Variants in OCLN observed in about 807,000 individuals in gnomAD.
The protein encoded by OCLN is phosphatase 1, regulatory subunit 115.
OCLN carries 21 observed loss-of-function variants against 47.9 expected under a neutral mutation model. That is an observed-to-expected ratio of 0.44 (90% confidence interval 0.31 to 0.63). The LOEUF is 0.63. Ranked by LOEUF, OCLN falls within the 30% of genes least tolerant of loss-of-function variation. OCLN has a pLI of 0.08. For synonymous variants in OCLN, 117 were observed against 198.4 expected (o/e 0.59, Z 3.45); for missense variants, 360 against 571.0 (o/e 0.63, Z 3.77).
At chr5:69,516,789 G>T (rs1050719386) in intron 4 of OCLN, among the ~76,000 whole-genome samples, 11 of 152,084 alleles carry the variant, frequency 7.2e-5, no homozygotes, top group African/African-American at 2.7e-4. Context: ...AGGTGTGGTG[G>T]CTCACACTTG....
chr5:69,518,098 G>A (rs1420727244), intron 4 of OCLN, among the ~76,000 whole-genome samples: 1 of 152,146 alleles, frequency 6.6e-6, no homozygotes, highest in African/African-American at 2.4e-5. Context: ...ATCAGTTCTA[G>A]TTGCTTTTGA....
At chr5:69,517,920 G>A (rs376114197) in intron 4 of OCLN, among the ~76,000 whole-genome samples, 22 of 152,088 alleles carry the variant, frequency 1.4e-4, no homozygotes, top group Non-Finnish European at 2.8e-4. Flanking sequence ...TAAATGTTTC[G>A]CTGAGAGTTT....
At chr5:69,513,246 A>G (rs1768834934) in intron 3 of OCLN, among the ~76,000 whole-genome samples, 1 of 152,166 alleles carries the variant, frequency 6.6e-6, no homozygotes, top group African/African-American at 2.4e-5. Flanking sequence ...AGGCCAATAT[A>G]CCATTTAATA....
intron 4 of OCLN, among the ~76,000 whole-genome samples, chr5:69,527,974 A>G (rs2112040888): frequency 6.6e-6 from 1 of 152,126 alleles, no homozygotes; most frequent in South Asian, 2.1e-4. Flanking sequence ...GGTAGGGGCA[A>G]TTTGTTTTCT....
At chr5:69,512,890 T>A (rs532948636) in intron 3 of OCLN, among the ~76,000 whole-genome samples, 3 of 152,220 alleles carry the variant, frequency 2.0e-5, no homozygotes, top group Non-Finnish European at 4.4e-5. Flanking sequence ...TCCCTTGTTT[T>A]TCCTTTTTTC....
At position 69,509,109 on chromosome 5, in the gene OCLN, C is replaced by G. The variant is rs1418677318; in HGVS notation, c.51-32C>G. On this transcript the variant is annotated intron_variant, in intron 2 of 8. Transcript: ENST00000396442. ...TCTTTCTGCTTACTACCAAAAAATG[C>G]TAACTTGAAATTATTTTCATGTTCA... The G allele has an allele frequency of 3.1e-6, 5 of 1,589,056 alleles. No individual in the cohort carries two copies. The East Asian group carries it at 6.7e-5, about 21-fold the overall frequency.
At chr5:69,513,221 C>T (rs534836955) in intron 3 of OCLN, among the ~76,000 whole-genome samples, 41 of 152,340 alleles carry the variant, frequency 2.7e-4, no homozygotes, top group Non-Finnish European at 1.0e-4. Context: ...TTTCCCTCAA[C>T]TTCAAGTGCC....
intron 3 of OCLN, among the ~76,000 whole-genome samples, chr5:69,513,117 CTACT>C (rs889179609): frequency 6.6e-6 from 1 of 152,196 alleles, no homozygotes; most frequent in Non-Finnish European, 1.5e-5. Flanking sequence ...AGTTCTCTTA[CTACT>C]TACTCTTTGA....
rs1026003459 is a variant in OCLN at position 69,554,606 on chromosome 5, A to G, written c.*935A>G. The G allele has an allele frequency of 6.6e-6, 1 of 152,064 alleles. No homozygotes were observed. Among genetic ancestry groups the G allele is most frequent in the Non-Finnish European group, 1.5e-5 (1 of 68,028 alleles). 9.4% of individuals were successfully genotyped at this position (152,064 alleles called of 1,614,324 possible). A position where few individuals can be genotyped will look rare whatever the true frequency, so the allele number is the denominator to read the frequency against. ...GATGTTATTAGTGCTGTTAACATAC[A>G]GCAATGGAAAACCACACTCAGGAGT... On this transcript the variant is annotated 3_prime_UTR_variant, in exon 9 of 9. Coordinates refer to ENST00000396442, the MANE Select transcript of OCLN (RefSeq NM_001205254.2).
chr5:69,493,140 A>T lies in OCLN; in HGVS notation c.-69+240A>T, dbSNP rs1206354180. Among the ~76,000 whole-genome samples, 1 of 152,150 alleles carries T rather than the reference A, an allele frequency of 6.6e-6. No individual in the cohort carries two copies. The highest frequency in any genetic ancestry group is 2.4e-5 in the African/African-American group (1 of 41,436). Reference sequence around the variant, plus strand: ...GAGGGGTGGCTTGGAGCCGCCGATCAAGCTTTATTCCGCGGAAACGCTGAA... The same window carrying T: ...GAGGGGTGGCTTGGAGCCGCCGATCTAGCTTTATTCCGCGGAAACGCTGAA... On this transcript the variant is annotated intron_variant, in intron 1 of 8. Coordinates refer to ENST00000396442, the MANE Select transcript of OCLN (RefSeq NM_001205254.2). The surrounding 1 kb of genome is among the most constrained non-coding windows in gnomAD (Gnocchi z 5.3).
intron 1 of OCLN, among the ~76,000 whole-genome samples, chr5:69,497,238 A>AT (rs35549704): frequency 2.0e-5 from 3 of 150,634 alleles, no homozygotes; most frequent in African/African-American, 2.4e-5. Flanking sequence ...GGTTTTTGGA[A>AT]TTTTTTTTTT....
In OCLN at chr5:69,553,851, G is replaced by A. The variant is rs1228786118; in HGVS notation, c.*180G>A. The A allele has an allele frequency of 7.6e-6, 5 of 659,744 alleles. No homozygotes were observed. Among genetic ancestry groups the A allele is most frequent in the African/African-American group, 5.5e-5 (3 of 54,404 alleles). 40.9% of individuals were successfully genotyped at this position (659,744 alleles called of 1,614,324 possible). ...TATAAATCGCTTTTGATAATCAACT[G>A]GGCTGAACACTCCAATTAAGGATTT... On this transcript the variant is annotated 3_prime_UTR_variant, in exon 9 of 9. Transcript: ENST00000396442.
intron 1 of OCLN, among the ~76,000 whole-genome samples, chr5:69,498,493 T>C (rs1768365691): frequency 6.7e-6 from 1 of 149,018 alleles, no homozygotes; most frequent in South Asian, 2.1e-4. Flanking sequence ...GACTCCTGTC[T>C]CAAAAAAAAA....
chr5:69,535,976 C>T (rs1238640731), intron 5 of OCLN, among the ~76,000 whole-genome samples: 4 of 152,122 alleles, frequency 2.6e-5, no homozygotes, highest in Non-Finnish European at 4.4e-5. Flanking sequence ...AATAGCCAGG[C>T]GTGGTGGCGC....
In OCLN at chr5:69,493,486, T is replaced by C. The variant is rs1768201381; in HGVS notation, c.-69+586T>C. On this transcript the variant is annotated intron_variant, in intron 1 of 8. Transcript: ENST00000396442. The surrounding 1 kb of genome is among the most constrained non-coding windows in gnomAD (Gnocchi z 5.3). Reference sequence around the variant, plus strand: ...GAGTCACGGTGTGGGCCACACTGGCTACTTCGAATCCACTTGTTGCGAGTT... The same window carrying C: ...GAGTCACGGTGTGGGCCACACTGGCCACTTCGAATCCACTTGTTGCGAGTT... Among the ~76,000 whole-genome samples, 1 of 152,160 alleles carries C rather than the reference T, an allele frequency of 6.6e-6. No individual in the cohort carries two copies. The highest frequency in any genetic ancestry group is 2.4e-5 in the African/African-American group (1 of 41,438).
chr5:69,498,271 A>G (rs970164385), intron 1 of OCLN, among the ~76,000 whole-genome samples: 3 of 152,212 alleles, frequency 2.0e-5, no homozygotes, highest in African/African-American at 7.2e-5. Context: ...AGGTGGGTGG[A>G]TCACCTGAGG....
rs1272404122 is a variant in OCLN at position 69,515,171 on chromosome 5, C to T, written c.891+1062C>T. ...GCGGGGGGCTGACCCCCCCACCTCC[C>T]TCCCGGACGGGGCGGCTGGCCGGGC... is the stretch of plus-strand genomic sequence containing the variant. On this transcript the variant is annotated intron_variant, in intron 4 of 8. Coordinates refer to ENST00000396442, the MANE Select transcript of OCLN (RefSeq NM_001205254.2). 1.1e-4 allele frequency among the ~76,000 whole-genome samples: 16 copies of T among 144,796 alleles called. No homozygotes were observed. The East Asian group carries it at 1.7e-3, about 15-fold the overall frequency. The allele number at this position is 144,796 out of a possible 152,430, so 95.0% of individuals were successfully genotyped here.
chr5:69,500,999 A>G (rs1768443911), intron 1 of OCLN, among the ~76,000 whole-genome samples: 1 of 151,734 alleles, frequency 6.6e-6, no homozygotes. Context: ...GCTCACTGCA[A>G]CCTCCACCTC....
chr5:69,515,278 G>A (rs1200662014), intron 4 of OCLN, among the ~76,000 whole-genome samples: 1 of 139,382 alleles, frequency 7.2e-6, no homozygotes, highest in Non-Finnish European at 1.6e-5. Context: ...GCCGGGCGGG[G>A]GGCTGACCCC....
Sources: allele counts gnomAD v4.1 joint callset (sites outside exome capture counted in the v4.1 genomes callset), GRCh38; gene constraint gnomAD v4.1.1; non-coding constraint Gnocchi (gnomAD v3.1); transcripts MANE v1.5; gene names NCBI Gene and HGNC (gene_info 2026-07-23, HGNC 2026-07-21).